Variants in STK24 observed in about 807,000 individuals in gnomAD.
STK24 encodes the protein serine/threonine-protein kinase 24.
A neutral mutation model predicts 55.6 loss-of-function variants in STK24; 21 were observed. The ratio of observed to expected loss-of-function variants is 0.38; its 90% CI spans 0.27 to 0.54. The LOEUF (loss-of-function observed/expected upper bound fraction) is 0.54. STK24 is among the 20% of genes least tolerant of loss of function. The pLI is 0.79. For synonymous variants in STK24, 200 were observed against 215.2 expected, an observed-to-expected ratio of 0.93 and a Z score of 0.62; for missense variants, 383 against 538.4, an observed-to-expected ratio of 0.71 and a Z score of 2.86.
chr13:98,563,477 A>G (rs1373919408), intron 1 of STK24, among the ~76,000 whole-genome samples: 1 of 152,190 alleles, frequency 6.6e-6, no homozygotes, highest in Non-Finnish European at 1.5e-5. Flanking sequence ...AAAGAGCGCA[A>G]ATCTCTGTAA....
chr13:98,474,404 A>G (rs1306172246), intron 5 of STK24, among the ~76,000 whole-genome samples: 3 of 152,018 alleles, frequency 2.0e-5, no homozygotes, highest in Admixed American at 6.6e-5. Flanking sequence ...CCCTTTCTCT[A>G]CAGGCCCCTT....
intron 5 of STK24, among the ~76,000 whole-genome samples, chr13:98,472,908 AT>A (rs1308766490): frequency 6.6e-6 from 1 of 152,088 alleles, no homozygotes; most frequent in Non-Finnish European, 1.5e-5. Flanking sequence ...CTCAGCTTGC[AT>A]CTCAACTAGA....
At chr13:98,568,904 G>A (rs1053146063) in intron 1 of STK24, among the ~76,000 whole-genome samples, 18 of 151,964 alleles carry the variant, frequency 1.2e-4, no homozygotes, top group African/African-American at 3.9e-4. Context: ...TTTGAGGGCC[G>A]ATGCAGAAGG....
intron 2 of STK24, among the ~76,000 whole-genome samples, chr13:98,504,830 A>G (rs1446667593): frequency 6.6e-6 from 1 of 152,138 alleles, no homozygotes; most frequent in Non-Finnish European, 1.5e-5. Flanking sequence ...CTCCATCCAC[A>G]TGTGCACAAG....
intron 6 of STK24, among the ~76,000 whole-genome samples, chr13:98,464,495 CTT>C (rs551373383): frequency 3.2e-3 from 344 of 106,766 alleles, no homozygotes; most frequent in Middle Eastern, 0.021. Context: ...TGTTGTTTAA[CTT>C]TTTTTTTTTT....
intron 1 of STK24, among the ~76,000 whole-genome samples, chr13:98,568,062 C>T (rs1317111628): frequency 6.6e-6 from 1 of 151,420 alleles, no homozygotes; most frequent in Non-Finnish European, 1.5e-5. Flanking sequence ...TGCAATGGCG[C>T]GATCTCGGCT....
intron 1 of STK24, among the ~76,000 whole-genome samples, chr13:98,560,191 G>A (rs772498576): frequency 2.6e-5 from 4 of 152,262 alleles, no homozygotes; most frequent in Middle Eastern, 3.4e-3. Flanking sequence ...ACCTCCCCTC[G>A]ACGCTCCAGT....
At chr13:98,468,686 C>T (rs2139272116) in intron 5 of STK24, among the ~76,000 whole-genome samples, 1 of 152,336 alleles carries the variant, frequency 6.6e-6, no homozygotes, top group South Asian at 2.1e-4. Context: ...AGCATGCTGT[C>T]TCCTGGCCAC....
chr13:98,539,221 G>C (rs1013621984), intron 1 of STK24, among the ~76,000 whole-genome samples: 2 of 152,184 alleles, frequency 1.3e-5, no homozygotes, highest in African/African-American at 2.4e-5. Context: ...TCCTCCAAGA[G>C]AGCAAATACT....
intron 1 of STK24, among the ~76,000 whole-genome samples, chr13:98,560,082 A>G (rs1897380445): frequency 6.6e-6 from 1 of 152,186 alleles, no homozygotes; most frequent in African/African-American, 2.4e-5. Context: ...AGTTTTTCCA[A>G]CTCCTCTGGA....
chr13:98,535,923 T>C (rs1896719187), intron 1 of STK24, among the ~76,000 whole-genome samples: 1 of 152,218 alleles, frequency 6.6e-6, no homozygotes, highest in Admixed American at 6.5e-5. Context: ...TCCTGTATTT[T>C]ACAAGAACTG....
chr13:98,555,161 T>A (rs1897255188), intron 1 of STK24, among the ~76,000 whole-genome samples: 1 of 152,182 alleles, frequency 6.6e-6, no homozygotes, highest in Non-Finnish European at 1.5e-5. Context: ...CTGACTATAA[T>A]CATGACCTGC....
In STK24 at chr13:98,570,481, G is replaced by A. The variant is rs539260287; in HGVS notation, c.42+6264C>T. 1.2e-3 allele frequency among the ~76,000 whole-genome samples: 190 copies of A among 152,318 alleles called. 2 individuals are homozygous for A. The highest frequency in any genetic ancestry group is 4.0e-3 in the African/African-American group (165 of 41,562). ...TAATAGGAAGATAAACCCCAGCTAC[G>A]TACTTGGTAAGCATTAATTTAAAAC... is the stretch of plus-strand genomic sequence containing the variant. On this transcript the variant is annotated intron_variant, in intron 1 of 10. Coordinates refer to ENST00000539966, the MANE Select transcript of STK24 (RefSeq NM_001032296.4).
chr13:98,562,542 T>C (rs1345406103), intron 1 of STK24, among the ~76,000 whole-genome samples: 6 of 152,180 alleles, frequency 3.9e-5, no homozygotes, highest in Admixed American at 1.3e-4. Context: ...AAAAACACTC[T>C]CATTTGATTG....
At position 98,538,840 on chromosome 13, in the gene STK24, C is replaced by G. The variant is rs146719094; in HGVS notation, c.43-19367G>C. ...ACTCAGGCCCTGGTGTCCCTTCTTT[C>G]TTGCTCCTCGGTGAGGCCCAAACAG... On this transcript the variant is annotated intron_variant, in intron 1 of 10. Coordinates refer to ENST00000539966, the MANE Select transcript of STK24 (RefSeq NM_001032296.4). Among the ~76,000 whole-genome samples, 737 of 152,352 alleles carry G rather than the reference C, an allele frequency of 4.8e-3. 3 individuals carry two copies. Among genetic ancestry groups the G allele is most frequent in the Admixed American group, 9.1e-3 (139 of 15,298 alleles).
intron 5 of STK24, among the ~76,000 whole-genome samples, chr13:98,469,859 C>T (rs1344401539): frequency 6.6e-6 from 1 of 152,174 alleles, no homozygotes; most frequent in Non-Finnish European, 1.5e-5. Context: ...CAATGGCAAG[C>T]AATTTGGCAT....
chr13:98,508,067 G>A (rs1357676242), intron 2 of STK24, among the ~76,000 whole-genome samples: 5 of 152,296 alleles, frequency 3.3e-5, no homozygotes, highest in Admixed American at 1.3e-4. Flanking sequence ...CACGTAGCCT[G>A]CAATGACGGT....
Position 98,448,326 on chromosome 13 carries a change from C to A in STK24, c.*4847G>T, listed in dbSNP as rs1185990415. ...AGTCTCTTGTGTATTGATGGCCGGACACACTCGTTTCCGCAGTGGCTGCTT... is the reference window on the plus strand; with the variant it reads ...AGTCTCTTGTGTATTGATGGCCGGAAACACTCGTTTCCGCAGTGGCTGCTT... On this transcript the variant is annotated 3_prime_UTR_variant, in exon 11 of 11. Coordinates refer to ENST00000539966, the MANE Select transcript of STK24 (RefSeq NM_001032296.4). The A allele has an allele frequency of 1.4e-5, 23 of 1,602,480 alleles. No homozygotes were observed. Among genetic ancestry groups the A allele is most frequent in the Non-Finnish European group, 1.9e-5 (22 of 1,169,414 alleles).
chr13:98,519,222 G>A (rs746584416), intron 2 of STK24, 21 bp downstream of exon 2: 2 of 1,597,026 alleles, frequency 1.3e-6, no homozygotes, highest in South Asian at 1.1e-5. Context: ...GAACGGAGAA[G>A]CACGTTATTT....
Sources: allele counts gnomAD v4.1 joint callset (sites outside exome capture counted in the v4.1 genomes callset), GRCh38; gene constraint gnomAD v4.1.1; transcripts MANE v1.5; gene names NCBI Gene and HGNC (gene_info 2026-07-23, HGNC 2026-07-21).